The following SIL1 variants were observed in gnomAD, a reference collection of about 807,000 sequenced individuals.
The protein encoded by SIL1 is nucleotide exchange factor SIL1.
Under a neutral mutation model 49.1 loss-of-function variants are expected in SIL1, and 40 were observed. The observed-to-expected ratio is 0.81, with a 90% confidence interval of 0.63 to 1.06. The LOEUF (loss-of-function observed/expected upper bound fraction) is 1.06. Ranked by LOEUF, SIL1 falls within the 50% of genes least tolerant of loss-of-function variation. SIL1 has a pLI of 0.00. For synonymous variants in SIL1, 253 were observed against 250.8 expected, an observed-to-expected ratio of 1.01 and a Z score of -0.08; for missense variants, 500 against 572.6, an observed-to-expected ratio of 0.87 and a Z score of 1.29.
At chr5:139,134,808 C>G (rs1750938513) in intron 1 of SIL1, among the ~76,000 whole-genome samples, 1 of 152,190 alleles carries the variant, frequency 6.6e-6, no homozygotes, top group Non-Finnish European at 1.5e-5. Flanking sequence ...GCTTTACAAA[C>G]TGAAGGTTAG....
At chr5:139,163,987 C>T (rs1034376816) in intron 1 of SIL1, among the ~76,000 whole-genome samples, 1 of 152,048 alleles carries the variant, frequency 6.6e-6, no homozygotes, top group East Asian at 1.9e-4. Context: ...GGTATGGTGG[C>T]GTAAGCCTGT....
chr5:139,037,238 T>C (rs1265177493), intron 5 of SIL1, among the ~76,000 whole-genome samples: 1 of 152,062 alleles, frequency 6.6e-6, no homozygotes, highest in Non-Finnish European at 1.5e-5. Flanking sequence ...GTGTTATTTT[T>C]TCTAGTTGCT....
At chr5:138,952,966 CCT>C (rs1766816700) in intron 7 of SIL1, among the ~76,000 whole-genome samples, 1 of 152,246 alleles carries the variant, frequency 6.6e-6, no homozygotes, top group South Asian at 2.1e-4. Context: ...TCAGGGCTCC[CCT>C]CTCAGCAGCC....
At chr5:139,120,915 T>G in intron 3 of SIL1, 120 bp downstream of exon 3, 1 of 1,268,498 alleles carries the variant, frequency 7.9e-7, no homozygotes, top group South Asian at 1.3e-5. Flanking sequence ...TGACGGACCA[T>G]GCTGTTTCCC....
chr5:139,056,989 C>T, intron 3 of SIL1, among the ~76,000 whole-genome samples: 1 of 152,088 alleles, frequency 6.6e-6, no homozygotes, highest in Non-Finnish European at 1.5e-5. Context: ...ATTCTTCTGC[C>T]TTGGGATCCT....
At chr5:139,086,991 C>T (rs1770237743) in intron 3 of SIL1, among the ~76,000 whole-genome samples, 1 of 151,446 alleles carries the variant, frequency 6.6e-6, no homozygotes, top group Admixed American at 6.6e-5. Flanking sequence ...AATTATATTT[C>T]TTTTTTTAAA....
intron 4 of SIL1, among the ~76,000 whole-genome samples, chr5:139,048,114 T>C (rs1247806158): frequency 6.6e-6 from 1 of 152,152 alleles, no homozygotes; most frequent in Non-Finnish European, 1.5e-5. Flanking sequence ...TCCTCAGTAT[T>C]ATTTTTGTAA....
intron 9 of SIL1, among the ~76,000 whole-genome samples, chr5:138,949,840 A>G: frequency 6.6e-6 from 1 of 151,936 alleles, no homozygotes; most frequent in East Asian, 1.9e-4. Context: ...AAAAGAAAAA[A>G]GAAAAAAGAA....
intron 5 of SIL1, 100 bp from the exon 6 acceptor site, chr5:139,027,092 C>T: frequency 9.5e-7 from 1 of 1,054,632 alleles, no homozygotes; most frequent in Non-Finnish European, 1.4e-6. Context: ...ACTGCTGCTC[C>T]AAGACTCACA....
chr5:139,115,963 T>C (rs1027288337), intron 3 of SIL1, among the ~76,000 whole-genome samples: 3 of 152,150 alleles, frequency 2.0e-5, no homozygotes, highest in Admixed American at 6.5e-5. Flanking sequence ...CACATAGACA[T>C]TGGCAGATTT....
chr5:139,082,099 A>C (rs1770094180), intron 3 of SIL1, among the ~76,000 whole-genome samples: 1 of 152,214 alleles, frequency 6.6e-6, no homozygotes, highest in African/African-American at 2.4e-5. Flanking sequence ...TTTAATTTTC[A>C]CAACAATCAT....
intron 3 of SIL1, among the ~76,000 whole-genome samples, chr5:139,081,491 C>T (rs894436983): frequency 2.0e-5 from 3 of 152,326 alleles, no homozygotes; most frequent in African/African-American, 7.2e-5. Flanking sequence ...TCAAGAAACC[C>T]TCCCTAGTTC....
chr5:139,135,680 A>G (rs1324434951), intron 1 of SIL1, among the ~76,000 whole-genome samples: 2 of 150,228 alleles, frequency 1.3e-5, no homozygotes, highest in Non-Finnish European at 3.0e-5. Flanking sequence ...AAGAATACAG[A>G]TCTTCAAGAA....
At chr5:139,086,509 C>T (rs1770224424) in intron 3 of SIL1, among the ~76,000 whole-genome samples, 1 of 151,706 alleles carries the variant, frequency 6.6e-6, no homozygotes, top group African/African-American at 2.4e-5. Flanking sequence ...AAATTACAGG[C>T]ATGCACCCAG....
intron 3 of SIL1, among the ~76,000 whole-genome samples, chr5:139,052,816 T>C (rs1769319863): frequency 6.6e-6 from 1 of 152,174 alleles, no homozygotes; most frequent in Non-Finnish European, 1.5e-5. Context: ...GGAAGCCCCA[T>C]GTGCAAATGC....
intron 7 of SIL1, among the ~76,000 whole-genome samples, chr5:138,986,019 G>A (rs977694280): frequency 2.6e-5 from 4 of 152,134 alleles, no homozygotes; most frequent in African/African-American, 7.2e-5. Context: ...CACCTACAGC[G>A]CCAGGCCCTC....
intron 4 of SIL1, among the ~76,000 whole-genome samples, chr5:139,044,712 A>G (rs2150447914): frequency 6.6e-6 from 1 of 152,132 alleles, no homozygotes; most frequent in East Asian, 1.9e-4. Flanking sequence ...TAACTCCCAT[A>G]ATTACACCGC....
chr5:139,037,580 T>C (rs750938866), intron 5 of SIL1, among the ~76,000 whole-genome samples: 11 of 152,048 alleles, frequency 7.2e-5, no homozygotes, highest in Non-Finnish European at 1.2e-4. Context: ...TTTTTATTTA[T>C]CTGTCTTTAA....
chr5:139,028,360 T>C (rs1768708986), intron 5 of SIL1, among the ~76,000 whole-genome samples: 2 of 151,900 alleles, frequency 1.3e-5, no homozygotes, highest in Admixed American at 1.3e-4. Flanking sequence ...TAGCCGGGCA[T>C]GGTGGCTCAC....
Sources: allele counts gnomAD v4.1 joint callset (sites outside exome capture counted in the v4.1 genomes callset), GRCh38; gene constraint gnomAD v4.1.1; transcripts MANE v1.5; gene names NCBI Gene and HGNC (gene_info 2026-07-23, HGNC 2026-07-21).